Variants in FRMPD4 observed in about 807,000 individuals in gnomAD.
FRMPD4 encodes the protein FERM and PDZ domain-containing protein 4.
Under a neutral mutation model 94.1 loss-of-function variants are expected in FRMPD4, and 22 were observed. That is an observed-to-expected ratio of 0.23 (90% CI 0.17 to 0.33). The LOEUF is 0.33. Among genes scored for constraint, FRMPD4 ranks in the 10% least tolerant of loss-of-function variants. FRMPD4 has a pLI of 1.00. For missense variants in FRMPD4, 1,111 were observed against 1,339.9 expected (o/e 0.83, Z 2.67); for synonymous variants, 631 against 548.6 (o/e 1.15, Z -2.10).
chrX:12,533,426 T>C (rs1252163674), intron 2 of FRMPD4, among the ~76,000 whole-genome samples: 1 of 112,133 alleles, frequency 8.9e-6, no homozygotes, highest in African/African-American at 3.2e-5. Context: ...TGAAGATACC[T>C]GAAAATGTGG....
At chrX:12,073,286 A>G (rs1181250736) in intron 3 of FRMPD4, among the ~76,000 whole-genome samples, 1 of 111,592 alleles carries the variant, frequency 9.0e-6, no homozygotes, top group Non-Finnish European at 1.9e-5. Flanking sequence ...AATAGTAAAT[A>G]CATTCAGCTT....
chrX:12,498,500 C>T (rs1463267380), intron 1 of FRMPD4, 180 bp from the exon 2 acceptor site: 1 of 484,755 alleles, frequency 2.1e-6, no homozygotes. Flanking sequence ...TTTCATTTTG[C>T]TGCTGAATTG....
chrX:12,331,725 G>T (rs12013726), intron 1 of FRMPD4, among the ~76,000 whole-genome samples: 8 of 32,999 alleles, frequency 2.4e-4, no homozygotes, highest in African/African-American at 3.1e-4. Context: ...TTTATATATA[G>T]TATATAAATA....
At chrX:11,866,437 T>C (rs2053719136) in intron 2 of FRMPD4, among the ~76,000 whole-genome samples, 1 of 111,607 alleles carries the variant, frequency 9.0e-6, no homozygotes, top group Non-Finnish European at 1.9e-5. Context: ...AGAAGCAGAG[T>C]CCTCCATTCT....
At chrX:12,449,711 G>A (rs1403178018) in intron 1 of FRMPD4, among the ~76,000 whole-genome samples, 2 of 111,677 alleles carry the variant, frequency 1.8e-5, no homozygotes, top group Non-Finnish European at 3.8e-5. Context: ...GTTCAGGCCA[G>A]GCAGGGTGAC....
chrX:12,702,864 CG>C (rs767658572), intron 10 of FRMPD4, among the ~76,000 whole-genome samples: 15 of 112,386 alleles, frequency 1.3e-4, no homozygotes, highest in Admixed American at 1.1e-3. Context: ...CACACATAAG[CG>C]TGACTGTAGC....
intron 1 of FRMPD4, among the ~76,000 whole-genome samples, chrX:11,832,449 G>T (rs147113345): frequency 9.0e-6 from 1 of 111,280 alleles, no homozygotes; most frequent in Non-Finnish European, 1.9e-5. Flanking sequence ...CAGTTGTGCT[G>T]CAGAGGAAAT....
At chrX:12,498,569 G>T in intron 1 of FRMPD4, 111 bp from the exon 2 acceptor site, 1 of 557,595 alleles carries the variant, frequency 1.8e-6, no homozygotes, top group Non-Finnish European at 3.2e-6. Flanking sequence ...AACGTTAATT[G>T]GGGGTTTGCC....
chrX:11,833,949 G>C (rs1569106511), intron 1 of FRMPD4, among the ~76,000 whole-genome samples: 1 of 111,660 alleles, frequency 9.0e-6, no homozygotes, highest in Non-Finnish European at 1.9e-5. Context: ...ATGAGCTTGA[G>C]CCCCAGAAAG....
intron 3 of FRMPD4, among the ~76,000 whole-genome samples, chrX:11,942,610 C>T (rs147451930): frequency 6.3e-5 from 7 of 111,655 alleles, no homozygotes; most frequent in African/African-American, 2.3e-4. Context: ...TTTTGCCTGA[C>T]AAAGGGGTGT....
At chrX:12,707,261 T>C (rs1486503011) in intron 12 of FRMPD4, among the ~76,000 whole-genome samples, 4 of 112,543 alleles carry the variant, frequency 3.6e-5, no homozygotes, top group African/African-American at 1.3e-4. Flanking sequence ...CATACTGTGC[T>C]ATAACATTTA....
Position 12,417,302 on chromosome X carries a change from G to A in FRMPD4, c.42-81378G>A, listed in dbSNP as rs1172219771. Among the ~76,000 whole-genome samples the A allele has an allele frequency of 3.6e-5, 4 of 110,992 alleles. No individual in the cohort carries two copies. The East Asian group carries it at 8.4e-4, about 23-fold the overall frequency. On this transcript the variant is annotated intron_variant, in intron 1 of 16. Coordinates refer to ENST00000675598, the MANE Select transcript of FRMPD4 (RefSeq NM_001368397.1). ...TATATAATAAATTTAGTTTTGGCCC[G>A]GTGCGGTAGCTCACGCCTGTAATCC...
intron 1 of FRMPD4, among the ~76,000 whole-genome samples, chrX:12,364,180 A>C (rs150011141): frequency 3.1e-3 from 349 of 111,220 alleles, no homozygotes; most frequent in Middle Eastern, 0.014. Flanking sequence ...TAGTGTATTC[A>C]TAAAAAGTGT....
chrX:12,718,345 C>T lies in FRMPD4; in HGVS notation c.3519C>T (p.Thr1173=). The T allele has an allele frequency of 8.3e-7, 1 of 1,211,750 alleles. No individual in the cohort carries two copies. Residue 1173 remains threonine (T), a synonymous_variant, in exon 16 of 17, where the codon ACC becomes ACT. Transcript: ENST00000675598. ...LDNPEDADSS[T]CDHPSKLPEA... The stretch of plus-strand genomic sequence containing the variant: ...ACCCAGAGGACGCTGACTCGTCCAC[C>T]TGCGACCATCCTTCCAAGCTTCCTG...
chrX:12,720,643 G>A lies in FRMPD4; in HGVS notation c.4074G>A (p.Lys1358=). Residue 1358 remains lysine (K), a synonymous_variant, in exon 17 of 17, where the codon AAG becomes AAA. Coordinates refer to ENST00000675598, the MANE Select transcript of FRMPD4 (RefSeq NM_001368397.1). ...LLPSNIHSES[K]VPIPNQDPND... ...CATCAAACATTCACTCGGAATCAAAGGTGCCAATTCCAAATCAAGACCCTA... is the reference window on the plus strand; with the variant it reads ...CATCAAACATTCACTCGGAATCAAAAGTGCCAATTCCAAATCAAGACCCTA... The A allele has an allele frequency of 8.5e-7, 1 of 1,172,917 alleles. No individual in the cohort carries two copies. The highest frequency in any genetic ancestry group is 1.1e-6 in the Non-Finnish European group (1 of 878,335).
At chrX:12,003,386 A>AGTGTGTGT (rs34756228) in intron 3 of FRMPD4, among the ~76,000 whole-genome samples, 5,455 of 102,024 alleles carry the variant, frequency 0.053, 178 homozygotes, top group East Asian at 0.19. Context: ...CAGTTTGGCA[A>AGTGTGTGT]GTGTGTGTGT....
At chrX:11,947,824 C>T (rs1039430357) in intron 3 of FRMPD4, among the ~76,000 whole-genome samples, 2 of 111,038 alleles carry the variant, frequency 1.8e-5, no homozygotes, top group African/African-American at 3.3e-5. Flanking sequence ...CAGTGGCTCA[C>T]GCCTGTAATC....
chrX:12,489,898 G>A (rs938113462), intron 1 of FRMPD4, among the ~76,000 whole-genome samples: 40 of 111,626 alleles, frequency 3.6e-4, no homozygotes, highest in African/African-American at 1.3e-3. Context: ...GGTTGGGTGA[G>A]CCATGATGCC....
chrX:12,351,307 T>C (rs1358513665), intron 1 of FRMPD4, among the ~76,000 whole-genome samples: 1 of 111,209 alleles, frequency 9.0e-6, no homozygotes, highest in Non-Finnish European at 1.9e-5. Context: ...TATTGCACCA[T>C]TGGCACAGCC....
Sources: allele counts gnomAD v4.1 joint callset (sites outside exome capture counted in the v4.1 genomes callset), GRCh38; gene constraint gnomAD v4.1.1; transcripts MANE v1.5; gene names NCBI Gene and HGNC (gene_info 2026-07-23, HGNC 2026-07-21).